Variants in ARID1B observed in about 807,000 individuals in gnomAD.
ARID1B encodes the protein AT-rich interactive domain-containing protein 1B.
ARID1B carries 30 observed loss-of-function variants against 212.3 expected under a neutral mutation model. The observed-to-expected ratio is 0.14, with a 90% CI of 0.11 to 0.19. The LOEUF is 0.19. Ranked by LOEUF, ARID1B falls within the 10% of genes least tolerant of loss-of-function variation. The pLI is 1.00. For synonymous variants in ARID1B, 1,402 were observed against 1,301.7 expected (o/e 1.08, Z -1.66); for missense variants, 2,891 against 3,204.0 (o/e 0.90, Z 2.36).
At chr6:157,075,160 A>AAAAC (rs10644686) in intron 4 of ARID1B, among the ~76,000 whole-genome samples, 144,515 of 152,180 alleles carry the variant, frequency 0.95, 68,662 homozygotes, top group East Asian at 1. Flanking sequence ...ACAAAAATGA[A>AAAAC]AACTCATTTT....
chr6:156,784,458 G>T (rs1232281563), intron 1 of ARID1B, among the ~76,000 whole-genome samples: 1 of 152,112 alleles, frequency 6.6e-6, no homozygotes, highest in Admixed American at 6.6e-5. Flanking sequence ...AATTAATTCT[G>T]ATCTAAAAAC....
intron 2 of ARID1B, among the ~76,000 whole-genome samples, chr6:156,842,640 CT>C (rs1783976321): frequency 6.6e-6 from 1 of 152,110 alleles, no homozygotes; most frequent in Admixed American, 6.5e-5. Context: ...AGTAGAATTG[CT>C]GGATCATGTG....
intron 2 of ARID1B, among the ~76,000 whole-genome samples, chr6:156,839,565 TCTCC>T (rs1713682458): frequency 1.3e-5 from 2 of 152,212 alleles, no homozygotes; most frequent in Non-Finnish European, 2.9e-5. Flanking sequence ...CTAATCTCTT[TCTCC>T]CCTAGTGTCT....
At chr6:156,821,963 G>T (rs73572275) in intron 1 of ARID1B, among the ~76,000 whole-genome samples, 1 of 152,036 alleles carries the variant, frequency 6.6e-6, no homozygotes, top group Non-Finnish European at 1.5e-5. Context: ...TAATTTCATG[G>T]TTCTTAGAGT....
At chr6:156,822,421 G>A (rs537318550) in intron 1 of ARID1B, among the ~76,000 whole-genome samples, 2 of 152,332 alleles carry the variant, frequency 1.3e-5, no homozygotes, top group South Asian at 4.1e-4. Flanking sequence ...CTGTGGACCC[G>A]AGTTGGGAGA....
chr6:157,030,218 T>C (rs1780941738), intron 4 of ARID1B: 1 of 152,524 alleles, frequency 6.6e-6, no homozygotes, highest in Non-Finnish European at 1.5e-5. Context: ...GCTAAGGCGA[T>C]GTGGTAACAG....
intron 1 of ARID1B, among the ~76,000 whole-genome samples, chr6:156,827,901 T>C (rs1782862517): frequency 6.6e-6 from 1 of 150,880 alleles, no homozygotes; most frequent in Non-Finnish European, 1.5e-5. Flanking sequence ...GCTGGGATTA[T>C]AGGCGTGCAC....
In ARID1B at chr6:156,779,257, C is replaced by T. The variant is rs2115000274; in HGVS notation, c.1577C>T (p.Pro526Leu). 2 of 1,181,788 alleles carry T rather than the reference C, an allele frequency of 1.7e-6. No homozygotes were observed. The highest frequency in any genetic ancestry group is 2.1e-6 in the Non-Finnish European group (2 of 951,066). 73.2% of individuals were successfully genotyped at this position (1,181,788 alleles called of 1,614,324 possible). Reference protein sequence around the residue: ...YGGSYPEYSSPSAPPPPPSQP... With the variant: ...YGGSYPEYSSLSAPPPPPSQP... ...GGCAGCTACCCCGAGTACAGCAGCC[C>T]CAGCGCGCCGCCGCCGCCGCCGTCG... is the stretch of plus-strand genomic sequence containing the variant. The change falls in exon 1 of 20, where the codon CCC becomes CTC. Residue 526 changes from proline (P) to leucine (L), a missense_variant. Physicochemically the swap from Pro to Leu is moderately conservative, Grantham distance 98 (BLOSUM62 -3). This residue lies in a region of ARID1B where 1,643 missense variants were observed against 1,544.0 expected (regional missense o/e 1.06). Coordinates refer to ENST00000636930, the MANE Select transcript of ARID1B (RefSeq NM_001374828.1).
rs1362317821 is a variant in ARID1B at position 156,778,574 on chromosome 6, C to T, written c.894C>T (p.Val298=). 2.4e-6 allele frequency: 3 copies of T among 1,245,670 alleles called. No homozygotes were observed. The highest frequency in any genetic ancestry group is 1.6e-5 in the African/African-American group (1 of 63,358). The allele number at this position is 1,245,670 out of a possible 1,614,324, so 77.2% of individuals were successfully genotyped here. Residue 298 remains valine (V), a synonymous_variant, in exon 1 of 20, where the codon GTC becomes GTT. Coordinates refer to ENST00000636930, the MANE Select transcript of ARID1B (RefSeq NM_001374828.1). ...CCCTGGGCACGCAGCAGCCGCCGGT[C>T]GCCGTGCCCGGGGGCGGCGGCGGCC... ...LGALGTQQPP[V]AVPGGGGGPA...
intron 2 of ARID1B, among the ~76,000 whole-genome samples, chr6:156,886,334 AG>A (rs780892535): frequency 2.6e-5 from 4 of 152,214 alleles, no homozygotes; most frequent in Admixed American, 6.5e-5. Flanking sequence ...CTGGGATTCC[AG>A]GCACCTGCCA....
At chr6:156,934,307 A>G (rs1204211794) in intron 3 of ARID1B, among the ~76,000 whole-genome samples, 1 of 125,464 alleles carries the variant, frequency 8.0e-6, no homozygotes, top group African/African-American at 3.7e-5. Flanking sequence ...GTAGCTGAGC[A>G]TACACAGGTA....
chr6:157,206,289 A>G lies in ARID1B; in HGVS notation c.5517A>G (p.Ala1839=). 6.2e-7 allele frequency: 1 copy of G among 1,614,220 alleles called. No individual in the cohort carries two copies. Among genetic ancestry groups the G allele is most frequent in the African/African-American group, 1.3e-5 (1 of 75,052 alleles). ...AAAAAGCACTTGATCACAACGCAGC[A>G]AGGAAGGATGACAGCCAGTCCTTGG... is the stretch of plus-strand genomic sequence containing the variant. ...PSQKALDHNA[A]RKDDSQSLAD... The change falls in exon 20 of 20, where the codon GCA becomes GCG. Residue 1839 remains alanine (A), a synonymous_variant. Transcript: ENST00000636930. The surrounding 1 kb of genome is among the most constrained non-coding windows in gnomAD (Gnocchi z 6.8).
intron 1 of ARID1B, among the ~76,000 whole-genome samples, chr6:156,824,869 T>G (rs1349013569): frequency 6.6e-6 from 1 of 152,066 alleles, no homozygotes; most frequent in Admixed American, 6.6e-5. Flanking sequence ...TTTGATTTTT[T>G]TTTTTTTCTT....
At chr6:156,861,637 A>T (rs1430082537) in intron 2 of ARID1B, among the ~76,000 whole-genome samples, 1 of 152,078 alleles carries the variant, frequency 6.6e-6, no homozygotes, top group Admixed American at 6.5e-5. Context: ...AAAAATTAAT[A>T]AATAAATAAG....
At chr6:157,188,925 C>A (rs1793166104) in intron 13 of ARID1B, among the ~76,000 whole-genome samples, 1 of 152,098 alleles carries the variant, frequency 6.6e-6, no homozygotes, top group Admixed American at 6.5e-5. Context: ...CAGTTCAATT[C>A]TGTTATTATA....
At chr6:156,968,823 G>T (rs376741700) in intron 4 of ARID1B, among the ~76,000 whole-genome samples, 1 of 152,214 alleles carries the variant, frequency 6.6e-6, no homozygotes, top group East Asian at 1.9e-4. Flanking sequence ...GATCACCAGA[G>T]ATCATGTACT....
intron 15 of ARID1B, among the ~76,000 whole-genome samples, chr6:157,191,526 A>G (rs1202018344): frequency 2.0e-5 from 3 of 152,026 alleles, no homozygotes; most frequent in Non-Finnish European, 4.4e-5. Context: ...GATCCTTGAG[A>G]CAGAGAGTGC....
chr6:156,835,191 G>GATCT (rs1294941640), intron 2 of ARID1B, among the ~76,000 whole-genome samples: 1 of 141,396 alleles, frequency 7.1e-6, no homozygotes, highest in Non-Finnish European at 1.5e-5. Context: ...AGTGAGCCGA[G>GATCT]ATCTTGCCAC....
At chr6:156,872,539 T>G (rs544603656) in intron 2 of ARID1B, among the ~76,000 whole-genome samples, 3 of 152,146 alleles carry the variant, frequency 2.0e-5, no homozygotes, top group African/African-American at 7.2e-5. Flanking sequence ...CAGGCTGGTG[T>G]TGAACTCCTG....
Sources: allele counts gnomAD v4.1 joint callset (sites outside exome capture counted in the v4.1 genomes callset), GRCh38; gene constraint gnomAD v4.1.1; regional missense constraint gnomAD v4.1.1; non-coding constraint Gnocchi (gnomAD v3.1); transcripts MANE v1.5; gene names NCBI Gene and HGNC (gene_info 2026-07-23, HGNC 2026-07-21).